Variants in OSBPL9 observed in about 807,000 individuals in gnomAD.
The protein encoded by OSBPL9 is oxysterol-binding protein-related protein 9.
Under a neutral mutation model 106.6 loss-of-function variants are expected in OSBPL9, and 40 were observed. That is an observed-to-expected ratio of 0.38 (90% CI 0.29 to 0.49). The LOEUF (loss-of-function observed/expected upper bound fraction) is 0.49. Ranked by LOEUF, OSBPL9 falls within the 20% of genes least tolerant of loss-of-function variation. OSBPL9 has a pLI of 0.97. For missense variants in OSBPL9, 609 were observed against 887.2 expected, an observed-to-expected ratio of 0.69 and a Z score of 3.98; for synonymous variants, 269 against 295.4, an observed-to-expected ratio of 0.91 and a Z score of 0.92.
chr1:51,727,079 G>A (rs1158820389), intron 4 of OSBPL9, among the ~76,000 whole-genome samples: 2 of 148,840 alleles, frequency 1.3e-5, no homozygotes, highest in Non-Finnish European at 1.5e-5. Flanking sequence ...TAAGTATTTT[G>A]TCCCTTGTAG....
At chr1:51,526,911 A>AT in the OSBPL9 span, among the ~76,000 whole-genome samples, 2 of 151,624 alleles carry the variant, frequency 1.3e-5, no homozygotes, top group African/African-American at 4.8e-5. Flanking sequence ...CACCTGGCTA[A>AT]TTTTTTGTAT....
At chr1:51,526,786 C>T in the OSBPL9 span, among the ~76,000 whole-genome samples, 1 of 151,932 alleles carries the variant, frequency 6.6e-6, no homozygotes, top group Non-Finnish European at 1.5e-5. Context: ...CGCTCTGTCA[C>T]CAGGCTGGAG....
the OSBPL9 span, among the ~76,000 whole-genome samples, chr1:51,546,136 C>A: frequency 1.4e-4 from 21 of 152,022 alleles, no homozygotes; most frequent in African/African-American, 5.1e-4. Flanking sequence ...CTCACCTCAG[C>A]CCCCAAGTAG....
the OSBPL9 span, among the ~76,000 whole-genome samples, chr1:51,557,536 T>C: frequency 4.3e-4 from 66 of 152,346 alleles, no homozygotes; most frequent in African/African-American, 1.6e-3. Flanking sequence ...TAACTGGTAA[T>C]CATGGTCTAC....
the OSBPL9 span, chr1:51,519,208 A>G: frequency 7.2e-7 from 1 of 1,396,162 alleles, no homozygotes; most frequent in Non-Finnish European, 9.4e-7. Context: ...CCTGTGTCAG[A>G]GAGAGCTGGG....
intron 1 of OSBPL9, among the ~76,000 whole-genome samples, chr1:51,646,351 A>G (rs1646151885): frequency 6.6e-6 from 1 of 152,094 alleles, no homozygotes; most frequent in Non-Finnish European, 1.5e-5. Flanking sequence ...AAATTTATTA[A>G]TAAGTATTTT....
intron 3 of OSBPL9, among the ~76,000 whole-genome samples, chr1:51,680,928 C>T (rs1557681365): frequency 6.6e-6 from 1 of 152,096 alleles, no homozygotes; most frequent in Non-Finnish European, 1.5e-5. Context: ...CTCATCAGCA[C>T]TTAGTATTAT....
Position 51,784,534 on chromosome 1 carries a change from C to A in OSBPL9, c.1781C>A (p.Thr594Asn). ...TATAGTGCAAATATCATCTTCCACA[C>A]TAAACCCTTCTATGGGGGCAAGAAG... ...TGYSANIIFH[T>N]KPFYGGKKHR... Residue 594 changes from threonine to asparagine, a missense_variant, in exon 20 of 24, where the codon ACT becomes AAT. By Grantham distance (65) the Thr-to-Asn change is moderately conservative. Coordinates refer to ENST00000428468, the MANE Select transcript of OSBPL9 (RefSeq NM_024586.6). The A allele has an allele frequency of 6.2e-7, 1 of 1,614,078 alleles. No individual in the cohort carries two copies. The highest frequency in any genetic ancestry group is 8.5e-7 in the Non-Finnish European group (1 of 1,179,908).
intron 3 of OSBPL9, among the ~76,000 whole-genome samples, chr1:51,680,809 G>A (rs1212858046): frequency 6.6e-6 from 1 of 151,938 alleles, no homozygotes; most frequent in African/African-American, 2.4e-5. Context: ...GTTAACTAAG[G>A]ATACTTAGAT....
At chr1:51,612,760 C>T (rs1429840827), upstream of OSBPL9, among the ~76,000 whole-genome samples, 1 of 152,174 alleles carries the variant, frequency 6.6e-6, no homozygotes, top group African/African-American at 2.4e-5. Context: ...GTGTCATGTC[C>T]AAGACATTTA....
intron 1 of OSBPL9, among the ~76,000 whole-genome samples, chr1:51,642,190 G>A (rs1645844556): frequency 6.6e-6 from 1 of 152,110 alleles, no homozygotes; most frequent in Admixed American, 6.6e-5. Context: ...ATAAAATTGA[G>A]GGTTACGTTA....
intron 14 of OSBPL9, among the ~76,000 whole-genome samples, chr1:51,772,958 A>G (rs1674265264): frequency 6.6e-6 from 1 of 152,248 alleles, no homozygotes; most frequent in Non-Finnish European, 1.5e-5. Flanking sequence ...AAGATTTGGT[A>G]GAGTTCTAAT....
rs376346074 is a variant in OSBPL9 at position 51,608,679 on chromosome 1, G to C, written c.-352-5626G>C. On this transcript the variant is annotated intron_variant, in intron 2 of 25. Transcript: ENST00000371714. ...ATGGTCACCTGACATTCCTGGATTG[G>C]GGGGGGGGGCTTTCCTGCCCTGCTC... Among the ~76,000 whole-genome samples, 8 of 110,862 alleles carry C rather than the reference G, an allele frequency of 7.2e-5. No individual in the cohort carries two copies. In the South Asian group the frequency reaches 1.3e-3, roughly 19 times the overall value. The allele number at this position is 110,862 out of a possible 152,430, so 72.7% of individuals were successfully genotyped here.
chr1:51,779,415 G>A (rs1034581114), intron 15 of OSBPL9, among the ~76,000 whole-genome samples: 2 of 152,138 alleles, frequency 1.3e-5, no homozygotes, highest in African/African-American at 4.8e-5. Context: ...ATATATCAGA[G>A]ACTTAAATCT....
intron 4 of OSBPL9, among the ~76,000 whole-genome samples, chr1:51,725,295 TTC>T (rs953961414): frequency 2.0e-5 from 3 of 152,136 alleles, no homozygotes; most frequent in East Asian, 1.9e-4. Flanking sequence ...TTCTTAAAAT[TTC>T]TGTCTTTCTG....
intron 1 of OSBPL9, among the ~76,000 whole-genome samples, chr1:51,649,542 T>G (rs1463740997): frequency 1.3e-5 from 2 of 152,188 alleles, no homozygotes; most frequent in African/African-American, 4.8e-5. Flanking sequence ...TGGAATGGCC[T>G]TTCCCCCACT....
chr1:51,603,422 C>T (rs1645332944), intron 2 of OSBPL9, among the ~76,000 whole-genome samples: 1 of 152,204 alleles, frequency 6.6e-6, no homozygotes, highest in Admixed American at 6.5e-5. Context: ...AACGATCTTA[C>T]AGCTCTATTT....
chr1:51,750,888 T>C (rs1337856964), intron 8 of OSBPL9, among the ~76,000 whole-genome samples: 2 of 152,144 alleles, frequency 1.3e-5, no homozygotes, highest in Admixed American at 6.5e-5. Flanking sequence ...AGTTGAGAAA[T>C]GTTGTTTGAA....
intron 1 of OSBPL9, among the ~76,000 whole-genome samples, chr1:51,644,128 TG>T (rs1440336247): frequency 7.2e-6 from 1 of 138,326 alleles, no homozygotes; most frequent in East Asian, 2.2e-4. Context: ...AATATTGGGA[TG>T]TATTGTAGAG....
Sources: allele counts gnomAD v4.1 joint callset (sites outside exome capture counted in the v4.1 genomes callset), GRCh38; gene constraint gnomAD v4.1.1; transcripts MANE v1.5; gene names NCBI Gene and HGNC (gene_info 2026-07-23, HGNC 2026-07-21).